Variants in DLC1 observed in about 807,000 individuals in gnomAD.
DLC1 encodes the protein DLC1 Rho GTPase activating protein.
A neutral mutation model predicts 140.3 loss-of-function variants in DLC1; 54 were observed. That is an observed-to-expected ratio of 0.38 (90% CI 0.31 to 0.48). The LOEUF (loss-of-function observed/expected upper bound fraction) is 0.48, where lower values mean the gene tolerates loss of function less well. Among genes scored for constraint, DLC1 ranks in the 20% least tolerant of loss-of-function variants. The probability of loss-of-function intolerance (pLI) is 0.96; values close to 1 mark genes in which losing one functional copy is unlikely to be tolerated. For missense variants in DLC1, 2,536 were observed against 1,907.0 expected (o/e 1.33, Z -6.14); for synonymous variants, 986 against 728.1 (o/e 1.35, Z -5.70).
chr8:13,250,436 A>T (rs1054960128), intron 5 of DLC1, among the ~76,000 whole-genome samples: 2 of 152,180 alleles, frequency 1.3e-5, no homozygotes, highest in African/African-American at 4.8e-5. Flanking sequence ...CTAGACTGAT[A>T]AAATTTATAA....
intron 1 of DLC1, among the ~76,000 whole-genome samples, chr8:13,576,272 A>G (rs1166959189): frequency 6.6e-6 from 1 of 152,192 alleles, no homozygotes; most frequent in Non-Finnish European, 1.5e-5. Flanking sequence ...TGAAGGTTTG[A>G]GAAGAGATTG....
intron 5 of DLC1, among the ~76,000 whole-genome samples, chr8:13,147,873 A>T (rs1457065889): frequency 6.6e-6 from 1 of 152,156 alleles, no homozygotes; most frequent in Non-Finnish European, 1.5e-5. Flanking sequence ...CTGTAGTTCC[A>T]GCTACTCGGG....
At chr8:13,539,629 A>G (rs948420347) in intron 1 of DLC1, among the ~76,000 whole-genome samples, 3 of 152,052 alleles carry the variant, frequency 2.0e-5, no homozygotes, top group Non-Finnish European at 4.4e-5. Context: ...CCAGCAACTG[A>G]TGTCAGGAGT....
At chr8:13,335,086 T>C (rs1343290589) in intron 4 of DLC1, among the ~76,000 whole-genome samples, 1 of 152,120 alleles carries the variant, frequency 6.6e-6, no homozygotes, top group South Asian at 2.1e-4. Context: ...GCTGCAGGTA[T>C]ACATTTTAGA....
At chr8:13,268,229 A>G (rs1246333242) in intron 5 of DLC1, among the ~76,000 whole-genome samples, 2 of 152,234 alleles carry the variant, frequency 1.3e-5, no homozygotes, top group African/African-American at 2.4e-5. Context: ...GATTAAAAAT[A>G]CAACCTTATA....
intron 5 of DLC1, among the ~76,000 whole-genome samples, chr8:13,154,601 A>C (rs1053928603): frequency 6.6e-6 from 1 of 152,186 alleles, no homozygotes; most frequent in African/African-American, 2.4e-5. Context: ...CCCGGCAAGC[A>C]GAGGGAGCTG....
intron 5 of DLC1, among the ~76,000 whole-genome samples, chr8:13,240,004 C>T (rs1829471048): frequency 6.6e-6 from 1 of 152,168 alleles, no homozygotes; most frequent in African/African-American, 2.4e-5. Context: ...TAAGTGTCTA[C>T]AGTGCTCTCT....
At chr8:13,406,034 T>C (rs1837539484) in intron 2 of DLC1, among the ~76,000 whole-genome samples, 1 of 143,950 alleles carries the variant, frequency 6.9e-6, no homozygotes, top group Admixed American at 7.0e-5. Flanking sequence ...GGAGATGGAG[T>C]CCAGCTCTGT....
Position 13,312,381 on chromosome 8 carries a change from A to AG in DLC1, c.1315-7080_1315-7079insC, listed in dbSNP as rs1367189892. Among the ~76,000 whole-genome samples, 3 of 117,180 alleles carry AG rather than the reference A, an allele frequency of 2.6e-5. 1 individual carries two copies. In the South Asian group the frequency reaches 9.4e-4, roughly 37 times the overall value. The allele number at this position is 117,180 out of a possible 152,430, so 76.9% of individuals were successfully genotyped here. A position where few individuals can be genotyped will look rare whatever the true frequency, so the allele number is the denominator to read the frequency against. ...GTCTCAAAAAAAAAAAAAAAAAAAAAAAAAAAATAATTTCTTTAGCAAGCT... is the reference window on the plus strand; with the variant it reads ...GTCTCAAAAAAAAAAAAAAAAAAAAAGAAAAAAATAATTTCTTTAGCAAGCT... On this transcript the variant is annotated intron_variant, in intron 4 of 17. Coordinates refer to ENST00000276297, the MANE Select transcript of DLC1 (RefSeq NM_182643.3).
intron 1 of DLC1, among the ~76,000 whole-genome samples, chr8:13,527,205 A>G (rs1055575476): frequency 6.6e-6 from 1 of 152,216 alleles, no homozygotes; most frequent in South Asian, 2.1e-4. Context: ...AGCTTTCATA[A>G]CAAATAATTA....
intron 2 of DLC1, among the ~76,000 whole-genome samples, chr8:13,403,276 A>G (rs7816046): frequency 0.12 from 17,753 of 152,160 alleles, 2,400 homozygotes; most frequent in African/African-American, 0.33. Flanking sequence ...ATATTTGCAA[A>G]CAGACCTGAT....
At chr8:13,410,076 T>G (rs1837721565) in intron 2 of DLC1, among the ~76,000 whole-genome samples, 1 of 151,970 alleles carries the variant, frequency 6.6e-6, no homozygotes, top group South Asian at 2.1e-4. Flanking sequence ...TCTCCTATAT[T>G]AACAGATTTA....
intron 5 of DLC1, among the ~76,000 whole-genome samples, chr8:13,300,097 CA>C (rs1182598546): frequency 2.6e-5 from 4 of 152,030 alleles, no homozygotes; most frequent in Admixed American, 6.6e-5. Context: ...GAATACAACG[CA>C]GCCAAAAAAA....
chr8:13,515,084 C>A (rs1802540562), upstream of DLC1, among the ~76,000 whole-genome samples: 1 of 152,202 alleles, frequency 6.6e-6, no homozygotes, highest in East Asian at 1.9e-4. Context: ...TTTTCTATCC[C>A]ACACTGCTTA....
intron 5 of DLC1, among the ~76,000 whole-genome samples, chr8:13,169,865 A>G (rs1201036907): frequency 6.6e-6 from 1 of 151,764 alleles, no homozygotes; most frequent in East Asian, 1.9e-4. Context: ...TCTAAAAAAA[A>G]AAAAGCCAGA....
At chr8:13,322,495 C>CAA (rs80100645) in intron 4 of DLC1, among the ~76,000 whole-genome samples, 3 of 151,828 alleles carry the variant, frequency 2.0e-5, no homozygotes, top group African/African-American at 7.3e-5. Context: ...GACATTATAA[C>CAA]ATAATTCAAC....
chr8:13,290,970 G>A (rs1005448668), intron 5 of DLC1, among the ~76,000 whole-genome samples: 2 of 152,086 alleles, frequency 1.3e-5, no homozygotes, highest in Non-Finnish European at 2.9e-5. Flanking sequence ...GTGCAATGGC[G>A]CGATCTTGGC....
chr8:13,345,777 T>C (rs927483038), intron 4 of DLC1, among the ~76,000 whole-genome samples: 1 of 152,052 alleles, frequency 6.6e-6, no homozygotes, highest in African/African-American at 2.4e-5. Context: ...CAGGCTGGTC[T>C]CAAACTCCTG....
chr8:13,495,792 T>C (rs911630964), intron 2 of DLC1, among the ~76,000 whole-genome samples: 1 of 152,180 alleles, frequency 6.6e-6, no homozygotes, highest in East Asian at 1.9e-4. Flanking sequence ...GAAGGATAAT[T>C]TTTATTAAAA....
Sources: gnomAD v4.1 joint callset for allele counts (sites outside exome capture counted in the v4.1 genomes callset) on GRCh38, gnomAD v4.1.1 for gene constraint, MANE v1.5 for transcripts, NCBI Gene and HGNC (gene_info 2026-07-23, HGNC 2026-07-21) for gene names.